Variants in DIP2C observed in about 807,000 individuals in gnomAD.
The protein encoded by DIP2C is disco-interacting protein 2 homolog C.
Under a neutral mutation model 192.4 loss-of-function variants are expected in DIP2C, and 33 were observed. The ratio of observed to expected loss-of-function variants is 0.17; its 90% CI spans 0.13 to 0.23. The LOEUF is 0.23. Among genes scored for constraint, DIP2C ranks in the 10% least tolerant of loss-of-function variants. DIP2C has a pLI of 1.00. For missense variants in DIP2C, 1,537 were observed against 2,110.1 expected, an observed-to-expected ratio of 0.73 and a Z score of 5.32; for synonymous variants, 979 against 864.1, an observed-to-expected ratio of 1.13 and a Z score of -2.33.
At chr10:520,073 G>C (rs1252571525) in intron 1 of DIP2C, among the ~76,000 whole-genome samples, 1 of 152,234 alleles carries the variant, frequency 6.6e-6, no homozygotes, top group African/African-American at 2.4e-5. Context: ...TTACATTCTG[G>C]AAAACATCTG....
intron 1 of DIP2C, among the ~76,000 whole-genome samples, chr10:492,459 C>A (rs1336871376): frequency 6.6e-6 from 1 of 152,226 alleles, no homozygotes; most frequent in East Asian, 1.9e-4. Context: ...CCATAAAGAT[C>A]TTTTAAATAA....
chr10:502,868 A>G (rs1845336462), intron 1 of DIP2C, among the ~76,000 whole-genome samples: 1 of 152,156 alleles, frequency 6.6e-6, no homozygotes, highest in Non-Finnish European at 1.5e-5. Context: ...GCGGCAACAC[A>G]GTCAAGACAC....
intron 24 of DIP2C, among the ~76,000 whole-genome samples, chr10:350,194 C>G (rs1020143551): frequency 6.6e-6 from 1 of 152,054 alleles, no homozygotes; most frequent in Non-Finnish European, 1.5e-5. Flanking sequence ...AGCAATTCTG[C>G]TGCCTCAGCC....
At position 324,967 on chromosome 10, in the gene DIP2C, A is replaced by G. The variant is rs181035038; in HGVS notation, c.3924+2039T>C. The G allele has an allele frequency of 1.3e-3, 684 of 532,636 alleles. 4 individuals are homozygous for G. Among genetic ancestry groups the G allele is most frequent in the African/African-American group, 0.011 (575 of 52,016 alleles). 33.0% of individuals were successfully genotyped at this position (532,636 alleles called of 1,614,324 possible). ...TGAGCGTACTCCTTCCTTGTAAACC[A>G]TCTTAAAACATTTTGGGGCTGGGCG... On this transcript the variant is annotated intron_variant, in intron 31 of 36. Coordinates refer to ENST00000280886, the MANE Select transcript of DIP2C (RefSeq NM_014974.3).
chr10:539,188 G>T (rs1171277198), intron 1 of DIP2C, among the ~76,000 whole-genome samples: 2 of 152,206 alleles, frequency 1.3e-5, no homozygotes, highest in African/African-American at 4.8e-5. Context: ...CTTTCATAGA[G>T]TGCTCATATT....
chr10:509,296 C>G (rs2130759676), intron 1 of DIP2C, among the ~76,000 whole-genome samples: 1 of 152,324 alleles, frequency 6.6e-6, no homozygotes, highest in African/African-American at 2.4e-5. Context: ...CTTCAGACTT[C>G]TGCAGCATCC....
intron 1 of DIP2C, among the ~76,000 whole-genome samples, chr10:567,293 A>T (rs778567329): frequency 3.3e-5 from 5 of 152,102 alleles, no homozygotes; most frequent in African/African-American, 7.2e-5. Context: ...GATTCAAGCA[A>T]TTCTCCTGCT....
At chr10:520,511 G>T (rs1332182836) in intron 1 of DIP2C, among the ~76,000 whole-genome samples, 1 of 152,246 alleles carries the variant, frequency 6.6e-6, no homozygotes. Flanking sequence ...CCAGTTGGAA[G>T]GAGTTTGGGT....
intron 9 of DIP2C, among the ~76,000 whole-genome samples, chr10:400,646 A>AG (rs1225219011): frequency 2.0e-5 from 3 of 151,586 alleles, no homozygotes; most frequent in Admixed American, 6.6e-5. Flanking sequence ...CATGTGGGGT[A>AG]GCATTAGCAT....
At chr10:483,686 G>C (rs1316536133) in intron 2 of DIP2C, among the ~76,000 whole-genome samples, 1 of 152,220 alleles carries the variant, frequency 6.6e-6, no homozygotes, top group Non-Finnish European at 1.5e-5. Context: ...GAGGGAATCA[G>C]CCCAGAGAGG....
At chr10:349,019 G>GT (rs1199161505) in intron 25 of DIP2C, among the ~76,000 whole-genome samples, 1 of 152,196 alleles carries the variant, frequency 6.6e-6, no homozygotes, top group Non-Finnish European at 1.5e-5. Context: ...ACCCACCTTT[G>GT]TAACTGTGAA....
chr10:416,958 G>C (rs1296661588), intron 6 of DIP2C, among the ~76,000 whole-genome samples: 1 of 152,188 alleles, frequency 6.6e-6, no homozygotes, highest in Non-Finnish European at 1.5e-5. Context: ...GAATAGAACA[G>C]AATTCAAGGA....
intron 4 of DIP2C, 129 bp from the exon 5 acceptor site, chr10:423,162 C>G (rs1966323814): frequency 1.1e-6 from 1 of 878,466 alleles, no homozygotes; most frequent in African/African-American, 1.7e-5. Flanking sequence ...TTGATACACT[C>G]TTGAGAAGTT....
intron 35 of DIP2C, among the ~76,000 whole-genome samples, chr10:282,554 G>C (rs1382052040): frequency 6.6e-6 from 1 of 152,220 alleles, no homozygotes; most frequent in Non-Finnish European, 1.5e-5. Context: ...TTGTGAAACA[G>C]CCAAGTCCTG....
At chr10:534,524 G>C (rs1030631247) in intron 1 of DIP2C, among the ~76,000 whole-genome samples, 5 of 152,188 alleles carry the variant, frequency 3.3e-5, no homozygotes, top group Admixed American at 3.3e-4. Context: ...GTGTTTTGCT[G>C]ATTGACAATA....
chr10:430,004 A>G (rs771367488), intron 4 of DIP2C, among the ~76,000 whole-genome samples: 6 of 152,198 alleles, frequency 3.9e-5, no homozygotes, highest in Non-Finnish European at 7.3e-5. Flanking sequence ...TAAGACCAGC[A>G]ATGAATGAGA....
intron 1 of DIP2C, among the ~76,000 whole-genome samples, chr10:621,569 G>C (rs1246619978): frequency 6.6e-6 from 1 of 152,190 alleles, no homozygotes; most frequent in Non-Finnish European, 1.5e-5. Flanking sequence ...TCACAGAGAG[G>C]AAGAGGAGGA....
At chr10:394,423 TCACA>T (rs1410863336) in intron 10 of DIP2C, among the ~76,000 whole-genome samples, 1 of 66,604 alleles carries the variant, frequency 1.5e-5, no homozygotes, top group Admixed American at 1.8e-4. Flanking sequence ...GGACATTACA[TCACA>T]CAGTGGGTGC....
At chr10:678,852 A>G (rs1830984777) in intron 1 of DIP2C, among the ~76,000 whole-genome samples, 1 of 94,778 alleles carries the variant, frequency 1.1e-5, no homozygotes, top group Non-Finnish European at 2.0e-5. Context: ...CCCCGCACCC[A>G]TCTCTGCTCC....
Sources: allele counts gnomAD v4.1 joint callset (sites outside exome capture counted in the v4.1 genomes callset), GRCh38; gene constraint gnomAD v4.1.1; transcripts MANE v1.5; gene names NCBI Gene and HGNC (gene_info 2026-07-23, HGNC 2026-07-21).